Variants in APBB1IP observed in about 807,000 individuals in gnomAD.
APBB1IP encodes the protein amyloid beta A4 precursor protein-binding family B member 1-interacting protein.
A neutral mutation model predicts 64.9 loss-of-function variants in APBB1IP; 27 were observed. The observed-to-expected ratio is 0.42, with a 90% CI of 0.31 to 0.57. The LOEUF (loss-of-function observed/expected upper bound fraction) is 0.57. Ranked by LOEUF, APBB1IP falls within the 20% of genes least tolerant of loss-of-function variation. APBB1IP has a pLI of 0.20. For synonymous variants in APBB1IP, 392 were observed against 331.0 expected, an observed-to-expected ratio of 1.18 and a Z score of -2.00; for missense variants, 812 against 845.5, an observed-to-expected ratio of 0.96 and a Z score of 0.49.
chr10:26,565,697 A>C (rs990820880), intron 14 of APBB1IP, among the ~76,000 whole-genome samples: 2 of 152,238 alleles, frequency 1.3e-5, no homozygotes, highest in Non-Finnish European at 1.5e-5. Flanking sequence ...AAGGTGGTTT[A>C]TTTGGAAAGC....
intron 8 of APBB1IP, among the ~76,000 whole-genome samples, chr10:26,531,707 G>GT (rs1836557082): frequency 6.6e-6 from 1 of 151,346 alleles, no homozygotes; most frequent in South Asian, 2.1e-4. Context: ...TTTATGCATT[G>GT]TATTTCAAGG....
intron 7 of APBB1IP, among the ~76,000 whole-genome samples, chr10:26,513,008 C>T (rs1473422089): frequency 6.6e-6 from 1 of 152,232 alleles, no homozygotes; most frequent in East Asian, 1.9e-4. Context: ...TTAGAGTACA[C>T]ACTGGCTCTC....
At chr10:26,494,569 T>C (rs1018926537) in intron 3 of APBB1IP, among the ~76,000 whole-genome samples, 2 of 152,214 alleles carry the variant, frequency 1.3e-5, no homozygotes, top group Non-Finnish European at 2.9e-5. Context: ...GGCTCACACC[T>C]GTAATGCCAG....
chr10:26,559,907 A>G (rs1427379356), intron 11 of APBB1IP, among the ~76,000 whole-genome samples, 198 bp from the exon 12 acceptor site: 1 of 152,092 alleles, frequency 6.6e-6, no homozygotes, highest in Admixed American at 6.6e-5. Flanking sequence ...GCCTCCCAAC[A>G]TATAACAAAT....
intron 2 of APBB1IP, among the ~76,000 whole-genome samples, chr10:26,485,211 C>T (rs963450686): frequency 6.6e-6 from 1 of 152,182 alleles, no homozygotes; most frequent in African/African-American, 2.4e-5. Flanking sequence ...TTCCACAAAC[C>T]TGTACCTATA....
intron 8 of APBB1IP, among the ~76,000 whole-genome samples, chr10:26,524,955 C>CTTTCTTTTTTTTTTTTTTTTCTTT (rs747655095): frequency 1.4e-5 from 1 of 73,972 alleles, no homozygotes; most frequent in Non-Finnish European, 2.6e-5. Context: ...TTCTTTCTTT[C>CTTTCTTTTTTTTTTTTTTTTCTTT]TTTTTTTTTT....
Position 26,560,749 on chromosome 10 carries a change from A to G in APBB1IP, c.1274A>G (p.Asp425Gly). 6.3e-7 allele frequency: 1 copy of G among 1,598,176 alleles called. No individual in the cohort carries two copies. The highest frequency in any genetic ancestry group is 1.1e-5 in the South Asian group (1 of 89,882). The change falls in exon 13 of 15, where the codon GAT becomes GGT. Residue 425 changes from aspartate (D) to glycine (G), a missense_variant. Around this residue, in one of 3 missense-constraint regions of APBB1IP, gnomAD observed 381 missense variants for 352.1 expected, o/e 1.08. Coordinates refer to ENST00000376236, the MANE Select transcript of APBB1IP (RefSeq NM_019043.4). ...RIAKYGKTLY[D>G]NYQRAVAKAG... ...CCCCAGTATGGGAAGACTCTCTATG[A>G]TAACTACCAGCGGGCTGTGGCAAAG...
In APBB1IP at chr10:26,509,264, A is replaced by G. The variant is rs554995350; in HGVS notation, c.532-2483A>G. The stretch of plus-strand genomic sequence containing the variant: ...ACAGGGAAAAAGCAACTATCCAACT[A>G]CAGATGTCTGGGCTAGAGATTTTCA... On this transcript the variant is annotated intron_variant, in intron 6 of 14. Transcript: ENST00000376236. Among the ~76,000 whole-genome samples, 210 of 152,152 alleles carry G rather than the reference A, an allele frequency of 1.4e-3. 1 individual carries two copies. The highest frequency in any genetic ancestry group is 4.8e-3 in the African/African-American group (199 of 41,468).
chr10:26,564,545 GTAA>G (rs1837015626), intron 14 of APBB1IP, among the ~76,000 whole-genome samples: 1 of 152,218 alleles, frequency 6.6e-6, no homozygotes, highest in East Asian at 1.9e-4. Context: ...GCTCACGCCT[GTAA>G]TTCCAACACT....
intron 2 of APBB1IP, among the ~76,000 whole-genome samples, chr10:26,454,074 AG>A (rs1289841813): frequency 6.6e-6 from 1 of 152,202 alleles, no homozygotes; most frequent in East Asian, 1.9e-4. Flanking sequence ...ATGGAACTGG[AG>A]GTCATTATAA....
chr10:26,491,398 C>T (rs1051830306), intron 2 of APBB1IP, among the ~76,000 whole-genome samples: 1 of 152,190 alleles, frequency 6.6e-6, no homozygotes, highest in African/African-American at 2.4e-5. Flanking sequence ...CTACATAATG[C>T]TAGTTAAGTG....
At chr10:26,512,036 C>T in intron 7 of APBB1IP, 130 bp downstream of exon 7, 1 of 1,096,802 alleles carries the variant, frequency 9.1e-7, no homozygotes, top group Non-Finnish European at 1.3e-6. Flanking sequence ...CACTATGCTG[C>T]CCAGGCTGAT....
At chr10:26,496,919 G>A (rs1443075171) in intron 4 of APBB1IP, among the ~76,000 whole-genome samples, 1 of 151,756 alleles carries the variant, frequency 6.6e-6, no homozygotes, top group East Asian at 1.9e-4. Context: ...CATGCATGAT[G>A]GCTCACACCT....
At chr10:26,509,065 C>CAG (rs1836220057) in intron 6 of APBB1IP, among the ~76,000 whole-genome samples, 1 of 152,186 alleles carries the variant, frequency 6.6e-6, no homozygotes, top group Admixed American at 6.5e-5. Context: ...TAATTCTCAG[C>CAG]AGAGAGCAGC....
chr10:26,563,170 A>G (rs903173476), intron 14 of APBB1IP, among the ~76,000 whole-genome samples: 4 of 152,106 alleles, frequency 2.6e-5, no homozygotes, highest in Non-Finnish European at 4.4e-5. Flanking sequence ...CCAAAATCAG[A>G]TTAGAAGACT....
chr10:26,508,605 T>C, intron 6 of APBB1IP, among the ~76,000 whole-genome samples: 1 of 150,118 alleles, frequency 6.7e-6, no homozygotes, highest in African/African-American at 2.4e-5. Context: ...AACTGTGATT[T>C]AGCTTACTAA....
At chr10:26,461,563 A>G (rs1835592692) in intron 2 of APBB1IP, among the ~76,000 whole-genome samples, 2 of 151,918 alleles carry the variant, frequency 1.3e-5, no homozygotes, top group Admixed American at 6.6e-5. Context: ...TTTTATTCTC[A>G]GATAAAGTTG....
intron 2 of APBB1IP, among the ~76,000 whole-genome samples, chr10:26,476,062 C>CTT (rs1222190976): frequency 5.9e-4 from 82 of 140,156 alleles, no homozygotes; most frequent in African/African-American, 1.6e-3. Context: ...TTTATAAAAA[C>CTT]TTTTTTTTTT....
intron 8 of APBB1IP, among the ~76,000 whole-genome samples, chr10:26,519,629 A>G (rs552759726): frequency 1.3e-5 from 2 of 152,270 alleles, no homozygotes; most frequent in South Asian, 4.1e-4. Context: ...ATGAATCCAA[A>G]CCATTACTAC....
Sources: allele counts gnomAD v4.1 joint callset (sites outside exome capture counted in the v4.1 genomes callset), GRCh38; gene constraint gnomAD v4.1.1; regional missense constraint gnomAD v4.1.1; transcripts MANE v1.5; gene names NCBI Gene and HGNC (gene_info 2026-07-23, HGNC 2026-07-21).